MAP3K13: variants seen among roughly 807,000 people sequenced by gnomAD.
MAP3K13 encodes the protein mitogen-activated protein kinase kinase kinase 13, also known as leucine zipper-bearing kinase.
MAP3K13 carries 52 observed loss-of-function variants against 104.0 expected under a neutral mutation model. The ratio of observed to expected loss-of-function variants is 0.50; its 90% CI spans 0.40 to 0.63. The LOEUF (loss-of-function observed/expected upper bound fraction) is 0.63. MAP3K13 is among the 20% of genes least tolerant of loss of function. The probability of loss-of-function intolerance (pLI) is 0.00; values close to 1 mark genes in which losing one functional copy is unlikely to be tolerated. For missense variants in MAP3K13, 914 were observed against 1,218.5 expected (o/e 0.75, Z 3.72); for synonymous variants, 394 against 442.2 (o/e 0.89, Z 1.37).
rs1301651189 is a variant in MAP3K13, at chr3:185,480,374, G to A, written c.2644G>A (p.Ala882Thr). The A allele has an allele frequency of 6.2e-7, 1 of 1,614,046 alleles. No homozygotes were observed. Among genetic ancestry groups the A allele is most frequent in the Non-Finnish European group, 8.5e-7 (1 of 1,180,050 alleles). Reference sequence around the variant, plus strand: ...AGCTGATAAACTTGAAGACCGCTTGGCAGAGAAGCTAGACGACCTGCTGTC... The same window carrying A: ...AGCTGATAAACTTGAAGACCGCTTGACAGAGAAGCTAGACGACCTGCTGTC... ...ELADKLEDRL[A>T]EKLDDLLSQT... Residue 882 changes from alanine (A) to threonine (T), a missense_variant, in exon 13 of 14, where the codon GCA (alanine) becomes ACA (threonine). Physicochemically the swap from Ala to Thr is moderately conservative, Grantham distance 58. Transcript: ENST00000265026.
intron 2 of MAP3K13, among the ~76,000 whole-genome samples, chr3:185,357,969 G>T (rs1723436117): frequency 6.6e-6 from 1 of 152,130 alleles, no homozygotes; most frequent in Non-Finnish European, 1.5e-5. Flanking sequence ...ATATAAAGAT[G>T]ACTGTAGAAT....
At chr3:185,364,974 C>T (rs957819564) in intron 1 of MAP3K13, among the ~76,000 whole-genome samples, 1 of 152,008 alleles carries the variant, frequency 6.6e-6, no homozygotes, top group African/African-American at 2.4e-5. Flanking sequence ...TCTACTAGCA[C>T]GAAAGGTCAA....
chr3:185,384,337 TGA>T lies in MAP3K13; in HGVS notation c.-86+20972_-86+20973del, dbSNP rs1553797011. Among the ~76,000 whole-genome samples, 172 of 150,592 alleles carry T rather than the reference TGA, an allele frequency of 1.1e-3. 2 individuals are homozygous for T. Among genetic ancestry groups the T allele is most frequent in the Non-Finnish European group, 1.6e-3 (110 of 67,154 alleles). On this transcript the variant is annotated intron_variant, in intron 1 of 13. Coordinates refer to ENST00000265026, the MANE Select transcript of MAP3K13 (RefSeq NM_004721.5). Reference sequence around the variant, plus strand: ...GTGTGTGTGTGTGTGTGTGTGTGTGTGAGACACATTGTCTCTATCCATTTAAC... The same window carrying T: ...GTGTGTGTGTGTGTGTGTGTGTGTGTGACACATTGTCTCTATCCATTTAAC...
intron 7 of MAP3K13, among the ~76,000 whole-genome samples, chr3:185,455,637 T>G (rs1369143182): frequency 1.1e-5 from 1 of 93,548 alleles, no homozygotes; most frequent in African/African-American, 3.9e-5. Flanking sequence ...ATATATATGA[T>G]ATATATGAGA....
intron 2 of MAP3K13, among the ~76,000 whole-genome samples, chr3:185,330,523 T>C (rs1025603447): frequency 6.6e-6 from 1 of 152,172 alleles, no homozygotes; most frequent in Non-Finnish European, 1.5e-5. Context: ...CAATAGCTTC[T>C]GCTGGGCCAA....
At chr3:185,455,676 TATGA>T (rs1459192886) in intron 7 of MAP3K13, among the ~76,000 whole-genome samples, 2 of 30,288 alleles carry the variant, frequency 6.6e-5, no homozygotes, top group African/African-American at 1.6e-4. Context: ...ATGATATATA[TATGA>T]GATATATATA....
intron 1 of MAP3K13, among the ~76,000 whole-genome samples, chr3:185,401,193 T>C (rs1462905052): frequency 6.6e-6 from 1 of 152,230 alleles, no homozygotes; most frequent in East Asian, 1.9e-4. Flanking sequence ...AAACTATGGA[T>C]GAAGCAGCCC....
chr3:185,471,904 T>C (rs1717817684), intron 10 of MAP3K13, among the ~76,000 whole-genome samples: 1 of 152,350 alleles, frequency 6.6e-6, no homozygotes, highest in South Asian at 2.1e-4. Context: ...AAAGAGATGT[T>C]TGAAGATCTT....
chr3:185,374,759 C>CT (rs59755117), intron 1 of MAP3K13, among the ~76,000 whole-genome samples: 12,717 of 150,544 alleles, frequency 0.084, 663 homozygotes, highest in Admixed American at 0.15. Flanking sequence ...TAGAGTCCCC[C>CT]TTTTTTTTTA....
In MAP3K13 at chr3:185,465,682, T is replaced by G. The variant is rs578018134; in HGVS notation, c.1389-65T>G. ...GTGATCAATCATCCTGTTTCTTATT[T>G]CATCAAGCGGACTTTTTTCTCCCGA... On this transcript the variant is annotated intron_variant, in intron 8 of 13. Coordinates refer to ENST00000265026, the MANE Select transcript of MAP3K13 (RefSeq NM_004721.5). 1.0e-4 allele frequency: 109 copies of G among 1,060,510 alleles called. No individual in the cohort carries two copies. The African/African-American group carries it at 1.5e-3, about 14-fold the overall frequency. 65.7% of individuals were successfully genotyped at this position (1,060,510 alleles called of 1,614,324 possible).
intron 1 of MAP3K13, among the ~76,000 whole-genome samples, chr3:185,284,759 A>T (rs1164991568): frequency 5.5e-5 from 7 of 127,604 alleles, no homozygotes; most frequent in Non-Finnish European, 8.2e-5. Flanking sequence ...AATAAAATTT[A>T]AAAAATAAAA....
In MAP3K13 at chr3:185,480,275, A is replaced by G. The variant is rs866033821; in HGVS notation, c.2545A>G (p.Ser849Gly). 1.9e-6 allele frequency: 3 copies of G among 1,614,194 alleles called. No homozygotes were observed. The Middle Eastern group carries it at 4.9e-4, about 266-fold the overall frequency. Residue 849 changes from serine to glycine, a missense_variant, in exon 13 of 14, where the codon AGC (serine) becomes GGC (glycine). Coordinates refer to ENST00000265026, the MANE Select transcript of MAP3K13 (RefSeq NM_004721.5). ...CAGCTGCCAGTCATATTCAACCTTT[A>G]GCTCTGAGAATTTCTCTGTGTCTGA... ...ISSCQSYSTFSSENFSVSDGE... is the reference protein window; with the variant it reads ...ISSCQSYSTFGSENFSVSDGE...
At chr3:185,477,711 T>C (rs1054434056) in intron 12 of MAP3K13, among the ~76,000 whole-genome samples, 3 of 152,160 alleles carry the variant, frequency 2.0e-5, no homozygotes, top group Non-Finnish European at 4.4e-5. Flanking sequence ...TTGTGTTGGT[T>C]TCTAGTGTGC....
chr3:185,329,257 T>C (rs1400411736), intron 2 of MAP3K13: 1 of 703,170 alleles, frequency 1.4e-6, no homozygotes, highest in South Asian at 1.5e-5. Flanking sequence ...AAAGTGAGTA[T>C]GTACCTAGTG....
chr3:185,427,646 G>A (rs759445322), intron 1 of MAP3K13, among the ~76,000 whole-genome samples: 2 of 152,146 alleles, frequency 1.3e-5, no homozygotes, highest in Non-Finnish European at 2.9e-5. Context: ...ATAAAGTGAC[G>A]CAGTGCCCCA....
intron 3 of MAP3K13, among the ~76,000 whole-genome samples, chr3:185,440,826 A>T (rs1197267052): frequency 1.3e-5 from 2 of 152,228 alleles, no homozygotes; most frequent in Non-Finnish European, 2.9e-5. Context: ...TGTCTTACAG[A>T]TACTCTGCTA....
At chr3:185,354,705 AGTATT>A (rs1723280657) in intron 2 of MAP3K13, among the ~76,000 whole-genome samples, 1 of 151,982 alleles carries the variant, frequency 6.6e-6, no homozygotes, top group Admixed American at 6.6e-5. Flanking sequence ...CCTTTCTTCT[AGTATT>A]GTATCCCAAA....
intron 1 of MAP3K13, among the ~76,000 whole-genome samples, chr3:185,402,982 G>A (rs1163289734): frequency 6.6e-6 from 1 of 152,102 alleles, no homozygotes; most frequent in Non-Finnish European, 1.5e-5. Context: ...TCTGACGCAT[G>A]CAAAAGGCAA....
At chr3:185,446,258 A>ATT (rs72309263) in intron 4 of MAP3K13, among the ~76,000 whole-genome samples, 113 of 141,034 alleles carry the variant, frequency 8.0e-4, no homozygotes, top group Middle Eastern at 3.7e-3. Flanking sequence ...GCCTCTTATC[A>ATT]TTTTTTTTTT....
Sources: allele counts gnomAD v4.1 joint callset (sites outside exome capture counted in the v4.1 genomes callset), GRCh38; gene constraint gnomAD v4.1.1; transcripts MANE v1.5; gene names NCBI Gene and HGNC (gene_info 2026-07-23, HGNC 2026-07-21).